Variants in GLDN observed in about 807,000 individuals in gnomAD.
GLDN encodes the protein gliomedin, also known as collomin.
In GLDN, 47 loss-of-function variants were observed where a neutral mutation model predicts 56.5. The observed-to-expected ratio is 0.83, with a 90% CI of 0.66 to 1.06. GLDN has a LOEUF of 1.06. GLDN is among the 50% of genes least tolerant of loss of function. GLDN has a pLI of 0.00. For missense variants in GLDN, 782 were observed against 714.3 expected, an observed-to-expected ratio of 1.09 and a Z score of -1.08; for synonymous variants, 332 against 278.8, an observed-to-expected ratio of 1.19 and a Z score of -1.90.
chr15:51,362,263 T>C (rs1477333477), intron 1 of GLDN, among the ~76,000 whole-genome samples: 1 of 151,980 alleles, frequency 6.6e-6, no homozygotes, highest in East Asian at 1.9e-4. Flanking sequence ...GGCGGGCGGA[T>C]CACCTGAGGT....
intron 1 of GLDN, among the ~76,000 whole-genome samples, chr15:51,348,789 T>A (rs145663722): frequency 6.6e-6 from 1 of 152,338 alleles, no homozygotes; most frequent in East Asian, 1.9e-4. Context: ...TTAGGGGCCA[T>A]GTTAGGACTT....
At chr15:51,358,847 G>T (rs1407819104) in intron 1 of GLDN, among the ~76,000 whole-genome samples, 1 of 152,178 alleles carries the variant, frequency 6.6e-6, no homozygotes, top group African/African-American at 2.4e-5. Flanking sequence ...GGAGAGACAT[G>T]GCCACCCGAG....
At chr15:51,359,743 G>A (rs1281130698) in intron 1 of GLDN, among the ~76,000 whole-genome samples, 13 of 152,080 alleles carry the variant, frequency 8.5e-5, no homozygotes, top group Non-Finnish European at 1.8e-4. Context: ...TTGGGAGGCC[G>A]AGGAGGGCGG....
downstream of GLDN, among the ~76,000 whole-genome samples, chr15:51,408,744 A>G (rs547775505): frequency 8.5e-5 from 13 of 152,082 alleles, no homozygotes; most frequent in South Asian, 1.5e-3. Context: ...AAGTGTTCTC[A>G]TTGTTCAATT....
intron 1 of GLDN, among the ~76,000 whole-genome samples, chr15:51,375,703 G>A (rs2037615157): frequency 6.6e-6 from 1 of 152,188 alleles, no homozygotes; most frequent in South Asian, 2.1e-4. Context: ...TGTCCACATG[G>A]CATGAGAATC....
intron 3 of GLDN, 31 bp downstream of exon 3, chr15:51,383,484 G>T (rs1363980096): frequency 6.2e-7 from 1 of 1,612,950 alleles, no homozygotes; most frequent in African/African-American, 1.3e-5. Context: ...TAGTTCAAGG[G>T]GAGGCTGTGG....
At position 51,384,235 on chromosome 15, in the gene GLDN, G is replaced by C. The variant is rs186190912; in HGVS notation, c.541+343G>C. On this transcript the variant is annotated intron_variant, in intron 4 of 9. Transcript: ENST00000335449. Reference sequence around the variant, plus strand: ...TGGTGCTGGTGCATGCTCTTTCGAGGCTCAGCTCCTGCCTTGCCCTCTATT... The same window carrying C: ...TGGTGCTGGTGCATGCTCTTTCGAGCCTCAGCTCCTGCCTTGCCCTCTATT... 2.8e-3 allele frequency: 893 copies of C among 318,452 alleles called. 11 individuals are homozygous for C. Among genetic ancestry groups the C allele is most frequent in the African/African-American group, 0.019 (847 of 44,742 alleles). 19.7% of individuals were successfully genotyped at this position (318,452 alleles called of 1,614,324 possible). A position where few individuals can be genotyped will look rare whatever the true frequency, so the allele number is the denominator to read the frequency against.
Position 51,400,467 on chromosome 15 carries a change from T to C in GLDN, c.996T>C (p.Asp332=), listed in dbSNP as rs2038226819. 1 of 1,614,066 alleles carries C rather than the reference T, an allele frequency of 6.2e-7. No individual in the cohort carries two copies. The highest frequency in any genetic ancestry group is 1.1e-5 in the South Asian group (1 of 91,078). ...TAAGAGAGTCTGCTAACAAGAGTGATGACCGGATTTGGGTGACAGAGCATT... is the reference window on the plus strand; with the variant it reads ...TAAGAGAGTCTGCTAACAAGAGTGACGACCGGATTTGGGTGACAGAGCATT... The part of the protein sequence containing the change: ...TWIRESANKS[D]DRIWVTEHFS... The change falls in exon 8 of 10, where the codon GAT becomes GAC. Residue 332 remains aspartate, a synonymous_variant. Transcript: ENST00000335449.
At chr15:51,348,201 G>A (rs1288074660) in intron 1 of GLDN, among the ~76,000 whole-genome samples, 1 of 152,184 alleles carries the variant, frequency 6.6e-6, no homozygotes, top group Non-Finnish European at 1.5e-5. Flanking sequence ...ACCCACCTGA[G>A]GTTCATCTGC....
At chr15:51,358,581 A>G (rs1327542689) in intron 1 of GLDN, among the ~76,000 whole-genome samples, 2 of 152,222 alleles carry the variant, frequency 1.3e-5, no homozygotes, top group Non-Finnish European at 2.9e-5. Context: ...GCAGGGTTCC[A>G]TGGGTGATTG....
downstream of GLDN, among the ~76,000 whole-genome samples, chr15:51,410,974 A>C (rs1293541544): frequency 1.3e-5 from 2 of 152,162 alleles, no homozygotes; most frequent in Non-Finnish European, 2.9e-5. Context: ...TGGGACAAGG[A>C]ATTGGTCTAA....
chr15:51,344,906 T>G (rs1293546656), intron 1 of GLDN, among the ~76,000 whole-genome samples: 2 of 152,200 alleles, frequency 1.3e-5, no homozygotes, highest in African/African-American at 4.8e-5. Context: ...AGATAATTAT[T>G]AAGTACAGTT....
At chr15:51,394,814 G>T in intron 4 of GLDN, 21 bp from the exon 5 acceptor site, 1 of 1,613,732 alleles carries the variant, frequency 6.2e-7, no homozygotes, top group Non-Finnish European at 8.5e-7. Flanking sequence ...AGGCTAATAT[G>T]TCTTTTGTTT....
In GLDN at chr15:51,349,085, C is replaced by G. The variant is rs549784133; in HGVS notation, c.363+7038C>G. On this transcript the variant is annotated intron_variant, in intron 1 of 9. Transcript: ENST00000335449. ...ACGGCTTTTCAAAAGCATGTACTCC[C>G]GATTCTTAGGGTAGTTCCCAGCAGG... Among the ~76,000 whole-genome samples the G allele has an allele frequency of 4.6e-5, 7 of 152,246 alleles. No homozygotes were observed. The South Asian group carries it at 8.3e-4, about 18-fold the overall frequency.
chr15:51,343,206 TA>T (rs1172173233), intron 1 of GLDN, among the ~76,000 whole-genome samples: 1 of 152,244 alleles, frequency 6.6e-6, no homozygotes, highest in African/African-American at 2.4e-5. Flanking sequence ...GAAATGCTTT[TA>T]AAACTACGTA....
chr15:51,362,471 C>A (rs1419712751), intron 1 of GLDN, among the ~76,000 whole-genome samples: 1 of 129,624 alleles, frequency 7.7e-6, no homozygotes, highest in Non-Finnish European at 1.6e-5. Flanking sequence ...GGTGACAGAG[C>A]GAGACTCTGT....
chr15:51,409,318 AC>A (rs767656867), downstream of GLDN, among the ~76,000 whole-genome samples: 3 of 152,220 alleles, frequency 2.0e-5, no homozygotes, highest in East Asian at 3.9e-4. Context: ...AGTGCCTGTT[AC>A]TGGACTTTTG....
intron 1 of GLDN, among the ~76,000 whole-genome samples, chr15:51,348,028 G>A (rs1322404498): frequency 6.6e-6 from 1 of 152,180 alleles, no homozygotes; most frequent in African/African-American, 2.4e-5. Context: ...GAGGGTATAA[G>A]GGAGGAATGA....
chr15:51,396,412 T>C (rs1595837146), intron 5 of GLDN, among the ~76,000 whole-genome samples: 1 of 152,142 alleles, frequency 6.6e-6, no homozygotes, highest in Admixed American at 6.5e-5. Flanking sequence ...AAGCAGACAG[T>C]TGGTATTTGT....
Sources: gnomAD v4.1 joint callset for allele counts (sites outside exome capture counted in the v4.1 genomes callset) on GRCh38, gnomAD v4.1.1 for gene constraint, MANE v1.5 for transcripts, NCBI Gene and HGNC (gene_info 2026-07-23, HGNC 2026-07-21) for gene names.